JARID2: variants seen among roughly 807,000 people sequenced by gnomAD.
JARID2 encodes the protein protein Jumonji.
JARID2 carries 21 observed loss-of-function variants against 125.6 expected under a neutral mutation model. That is an observed-to-expected ratio of 0.17 (90% CI 0.12 to 0.24). JARID2 has a LOEUF of 0.24. Among genes scored for constraint, JARID2 ranks in the 10% least tolerant of loss-of-function variants. The pLI, the probability that JARID2 is intolerant of heterozygous loss-of-function variation, is 1.00. For missense variants in JARID2, 1,303 were observed against 1,639.6 expected (o/e 0.79, Z 3.55); for synonymous variants, 736 against 661.6 (o/e 1.11, Z -1.73).
At chr6:15,379,630 C>T (rs1315512845) in intron 2 of JARID2, among the ~76,000 whole-genome samples, 6 of 152,190 alleles carry the variant, frequency 3.9e-5, no homozygotes, top group Non-Finnish European at 4.4e-5. Context: ...GGATTCATTT[C>T]CTTAAACTTA....
chr6:15,518,343 A>C (rs1771665604), intron 17 of JARID2, among the ~76,000 whole-genome samples: 1 of 152,200 alleles, frequency 6.6e-6, no homozygotes, highest in African/African-American at 2.4e-5. Context: ...AGATCCTGGG[A>C]AAAGAATGGC....
rs773153042 is a variant in JARID2 at position 15,320,883 on chromosome 6, T to TGTGTG, written c.46-53234_46-53233insGTGTG. ...GTGTGTGTGTGTGTGTGTGTGTGTG[T>TGTGTG]TAGTTAAACTTGCATGTGAAGTATG... On this transcript the variant is annotated intron_variant, in intron 1 of 17. Coordinates refer to ENST00000341776, the MANE Select transcript of JARID2 (RefSeq NM_004973.4). 2.7e-3 allele frequency among the ~76,000 whole-genome samples: 414 copies of TGTGTG among 151,266 alleles called. 2 individuals carry two copies. Among genetic ancestry groups the TGTGTG allele is most frequent in the South Asian group, 0.021 (97 of 4,714 alleles).
chr6:15,514,857 G>A (rs1338584950), intron 16 of JARID2, among the ~76,000 whole-genome samples: 11 of 152,134 alleles, frequency 7.2e-5, no homozygotes, highest in African/African-American at 2.7e-4. Flanking sequence ...AATGCAGTCC[G>A]TGACCGCCCT....
intron 1 of JARID2, chr6:15,248,875 G>A (rs1561744822): frequency 1.0e-6 from 1 of 983,156 alleles, no homozygotes; most frequent in Non-Finnish European, 1.2e-6. Context: ...GGGGGCTGCC[G>A]CAGAGCCGGG....
intron 1 of JARID2, among the ~76,000 whole-genome samples, chr6:15,281,730 T>C (rs60399182): frequency 0.066 from 10,107 of 152,276 alleles, 1,140 homozygotes; most frequent in African/African-American, 0.23. Flanking sequence ...TAGTGTACTG[T>C]AGTTTATTTA....
At chr6:15,385,042 A>G (rs749095250) in intron 2 of JARID2, among the ~76,000 whole-genome samples, 2 of 152,172 alleles carry the variant, frequency 1.3e-5, no homozygotes, top group South Asian at 4.1e-4. Flanking sequence ...ACCTTTAAAA[A>G]TGCAAATGAG....
At chr6:15,352,140 C>A (rs1763451293) in intron 1 of JARID2, among the ~76,000 whole-genome samples, 1 of 152,068 alleles carries the variant, frequency 6.6e-6, no homozygotes, top group South Asian at 2.1e-4. Flanking sequence ...TCCCCGTTGC[C>A]CTCCTGAAAT....
intron 1 of JARID2, among the ~76,000 whole-genome samples, chr6:15,305,876 CT>C (rs1761803796): frequency 1.3e-5 from 2 of 152,274 alleles, no homozygotes; most frequent in East Asian, 3.9e-4. Context: ...TTCACTATAT[CT>C]TTAGGTATTT....
Position 15,520,961 on chromosome 6 carries a change from G to GGGTC in JARID2, c.*711_*714dup, listed in dbSNP as rs1278039117. On this transcript the variant is annotated 3_prime_UTR_variant, in exon 18 of 18. Transcript: ENST00000341776. ...ACGGAAAAGACTGCCTGCCTTGGAGGGGTCACATGAGGGAGACCTGTGCCT... is the reference window on the plus strand; with the variant it reads ...ACGGAAAAGACTGCCTGCCTTGGAGGGGTCGGTCACATGAGGGAGACCTGTGCCT... The GGGTC allele has an allele frequency of 2.7e-6, 1 of 367,314 alleles. No individual in the cohort carries two copies. Among genetic ancestry groups the GGGTC allele is most frequent in the Non-Finnish European group, 5.6e-6 (1 of 177,380 alleles). The allele number at this position is 367,314 out of a possible 1,614,324, so 22.8% of individuals were successfully genotyped here.
intron 3 of JARID2, among the ~76,000 whole-genome samples, chr6:15,412,896 T>C (rs779904848): frequency 3.9e-5 from 6 of 152,118 alleles, no homozygotes; most frequent in Admixed American, 6.6e-5. Flanking sequence ...AGTAACTACC[T>C]ATAATGGTTA....
intron 1 of JARID2, among the ~76,000 whole-genome samples, chr6:15,292,242 C>T (rs1210635681): frequency 6.6e-6 from 1 of 151,852 alleles, no homozygotes; most frequent in Non-Finnish European, 1.5e-5. Flanking sequence ...AGGATGGTTT[C>T]GATCTCCTGA....
intron 6 of JARID2, among the ~76,000 whole-genome samples, chr6:15,495,684 T>C (rs561599290): frequency 6.6e-6 from 1 of 152,240 alleles, no homozygotes; most frequent in Non-Finnish European, 1.5e-5. Context: ...ATGACTTTTC[T>C]TGGAACAGGG....
chr6:15,268,217 G>A lies in JARID2; in HGVS notation c.45+21633G>A, dbSNP rs367581564. ...TCGTAAGGGTAGAGCTAGATTTTCC[G>A]AAGAGCTTTAAAAACACAGCCTAGA... On this transcript the variant is annotated intron_variant, in intron 1 of 17. Coordinates refer to ENST00000341776, the MANE Select transcript of JARID2 (RefSeq NM_004973.4). Among the ~76,000 whole-genome samples the A allele has an allele frequency of 2.6e-5, 4 of 152,300 alleles. 1 individual carries two copies. The highest frequency in any genetic ancestry group is 1.9e-4 in the East Asian group (1 of 5,190).
At chr6:15,257,508 T>C (rs13208655) in intron 1 of JARID2, among the ~76,000 whole-genome samples, 82,412 of 152,050 alleles carry the variant, frequency 0.54, 22,666 homozygotes, top group African/African-American at 0.64. Context: ...TAGTTACCAC[T>C]ATTTTCTTGA....
Position 15,310,896 on chromosome 6 carries a change from A to C in JARID2, c.46-63221A>C, listed in dbSNP as rs529097165. Among the ~76,000 whole-genome samples, 19 of 152,144 alleles carry C rather than the reference A, an allele frequency of 1.2e-4. No homozygotes were observed. The South Asian group carries it at 3.9e-3, about 32-fold the overall frequency. ...GGAGGTGGCTGATTCCAACTCTGGG[A>C]ATTCATTCTAATTTTTGGTGCCCTG... On this transcript the variant is annotated intron_variant, in intron 1 of 17. Coordinates refer to ENST00000341776, the MANE Select transcript of JARID2 (RefSeq NM_004973.4).
At position 15,473,514 on chromosome 6, in the gene JARID2, G is replaced by GCTCC. The variant is rs1561887593; in HGVS notation, c.670+4797_670+4798insTCCC. Among the ~76,000 whole-genome samples, 18 of 35,000 alleles carry GCTCC rather than the reference G, an allele frequency of 5.1e-4. 1 individual carries two copies. Among genetic ancestry groups the GCTCC allele is most frequent in the Non-Finnish European group, 1.3e-3 (17 of 13,446 alleles). The allele number at this position is 35,000 out of a possible 152,430, so 23.0% of individuals were successfully genotyped here. On this transcript the variant is annotated intron_variant, in intron 5 of 17. Coordinates refer to ENST00000341776, the MANE Select transcript of JARID2 (RefSeq NM_004973.4). ...GTCTCCCTTGTCTTCTGATGTGCGT[G>GCTCC]CCCCCCCCCCCCCCCCGCTTTGTGT...
intron 6 of JARID2, among the ~76,000 whole-genome samples, chr6:15,488,364 C>T (rs1236197206): frequency 6.6e-6 from 1 of 152,248 alleles, no homozygotes; most frequent in East Asian, 1.9e-4. Context: ...TGGCATTTCA[C>T]TGATGCCTCG....
At chr6:15,401,153 G>GCT in intron 2 of JARID2, 1 of 952,524 alleles carries the variant, frequency 1.0e-6, no homozygotes, top group African/African-American at 2.0e-5. Flanking sequence ...ATGGCAAGGT[G>GCT]CTATATATAT....
chr6:15,430,411 G>A (rs555219827), intron 3 of JARID2, among the ~76,000 whole-genome samples: 13 of 152,248 alleles, frequency 8.5e-5, no homozygotes, highest in Middle Eastern at 3.4e-3. Context: ...CAGAAAACAA[G>A]AACCATGCTT....
Sources: gnomAD v4.1 joint callset for allele counts (sites outside exome capture counted in the v4.1 genomes callset) on GRCh38, gnomAD v4.1.1 for gene constraint, MANE v1.5 for transcripts, NCBI Gene and HGNC (gene_info 2026-07-23, HGNC 2026-07-21) for gene names.